Variants in NFIC observed in about 807,000 individuals in gnomAD.
The protein encoded by NFIC is nuclear factor I C.
A neutral mutation model predicts 54.4 loss-of-function variants in NFIC; 12 were observed. That is an observed-to-expected ratio of 0.22 (90% CI 0.14 to 0.36). The LOEUF (loss-of-function observed/expected upper bound fraction) is 0.36, where lower values mean the gene tolerates loss of function less well. Among genes scored for constraint, NFIC ranks in the 10% least tolerant of loss-of-function variants. The probability of loss-of-function intolerance (pLI) is 1.00; values close to 1 mark genes in which losing one functional copy is unlikely to be tolerated. For missense variants in NFIC, 575 were observed against 718.2 expected (o/e 0.80, Z 2.28); for synonymous variants, 322 against 319.2 (o/e 1.01, Z -0.09).
At chr19:3,432,109 C>T (rs1287780648) in intron 3 of NFIC, among the ~76,000 whole-genome samples, 1 of 152,172 alleles carries the variant, frequency 6.6e-6, no homozygotes, top group Non-Finnish European at 1.5e-5. Context: ...ATCCCTCCTA[C>T]AAGGGCGTCC....
chr19:3,366,584 G>T lies in NFIC; in HGVS notation c.-53G>T. On this transcript the variant is annotated 5_prime_UTR_variant, in exon 1 of 11. Coordinates refer to ENST00000443272, the MANE Select transcript of NFIC (RefSeq NM_001245002.2). ...GGGGGTGGTTTGGAAAAATGACTCA[G>T]TAAGTTCAGCGCGCCCGCTCCGGCC... is the stretch of plus-strand genomic sequence containing the variant. The T allele has an allele frequency of 2.5e-6, 3 of 1,209,894 alleles. No homozygotes were observed. Among genetic ancestry groups the T allele is most frequent in the Non-Finnish European group, 2.3e-6 (2 of 872,896 alleles). The allele number at this position is 1,209,894 out of a possible 1,614,324, so 74.9% of individuals were successfully genotyped here.
rs368925223 is a variant in NFIC at position 3,453,743 on chromosome 19, G to A, written c.1270-20G>A. 2.1e-4 allele frequency: 338 copies of A among 1,594,078 alleles called. No individual in the cohort carries two copies. The highest frequency in any genetic ancestry group is 1.1e-4 in the Non-Finnish European group (134 of 1,172,228). On this transcript the variant is annotated intron_variant, in intron 8 of 10. Coordinates refer to ENST00000443272, the MANE Select transcript of NFIC (RefSeq NM_001245002.2). The surrounding 1 kb of genome is among the most constrained non-coding windows in gnomAD (Gnocchi z 6.7). ...GAGGGGGAGCCCACCCCTTAACCAC[G>A]TGTCTCTCTGTTCCCCCAGTTAAAT...
chr19:3,414,829 T>A (rs2081826106), intron 2 of NFIC, among the ~76,000 whole-genome samples: 5 of 151,252 alleles, frequency 3.3e-5, no homozygotes, highest in African/African-American at 1.2e-4. Context: ...TGTTTTTTTG[T>A]TTTTTGTTTT....
intron 2 of NFIC, among the ~76,000 whole-genome samples, chr19:3,424,672 C>T (rs2082000757): frequency 6.6e-6 from 1 of 152,184 alleles, no homozygotes; most frequent in Non-Finnish European, 1.5e-5. Context: ...CGTGAGCCAC[C>T]GTGCCCGGCC....
At chr19:3,415,266 G>A (rs750967825) in intron 2 of NFIC, among the ~76,000 whole-genome samples, 13 of 151,304 alleles carry the variant, frequency 8.6e-5, no homozygotes, top group Non-Finnish European at 1.3e-4. Flanking sequence ...GTGCATGCCA[G>A]CACACCCAGC....
At chr19:3,427,148 G>T (rs985456770) in intron 3 of NFIC, among the ~76,000 whole-genome samples, 1 of 151,832 alleles carries the variant, frequency 6.6e-6, no homozygotes, top group South Asian at 2.1e-4. Flanking sequence ...GGATGGTCTC[G>T]ATCTCCTGAC....
At chr19:3,413,308 C>T (rs1250835754) in intron 2 of NFIC, among the ~76,000 whole-genome samples, 2 of 152,074 alleles carry the variant, frequency 1.3e-5, no homozygotes, top group Non-Finnish European at 2.9e-5. Context: ...CATCCCAAAC[C>T]GCCAATGAGA....
upstream of NFIC, among the ~76,000 whole-genome samples, chr19:3,361,805 G>C (rs2080815373): frequency 6.6e-6 from 1 of 151,916 alleles, no homozygotes; most frequent in Non-Finnish European, 1.5e-5. Context: ...TCCCCATTTT[G>C]GGTTCTGTGC....
intron 2 of NFIC, among the ~76,000 whole-genome samples, chr19:3,389,825 A>T (rs1340282830): frequency 1.3e-5 from 2 of 152,138 alleles, no homozygotes; most frequent in Non-Finnish European, 2.9e-5. Flanking sequence ...TCTACTAAAA[A>T]TACCAAAAAT....
rs149386974 is a variant in NFIC, at chr19:3,427,880, A to C, written c.634+2703A>C. Among the ~76,000 whole-genome samples the C allele has an allele frequency of 6.6e-3, 998 of 150,784 alleles. 8 individuals are homozygous for C. The highest frequency in any genetic ancestry group is 0.022 in the African/African-American group (897 of 41,062). ...AAGAAAGAAAAGAAAGAGAGAGAGA[A>C]AAAGAAGGGCCGGGTGCGGGGGCTT... is the stretch of plus-strand genomic sequence containing the variant. On this transcript the variant is annotated intron_variant, in intron 3 of 10. Coordinates refer to ENST00000443272, the MANE Select transcript of NFIC (RefSeq NM_001245002.2).
intron 6 of NFIC, among the ~76,000 whole-genome samples, chr19:3,446,753 C>T (rs2082378890): frequency 6.6e-6 from 1 of 152,198 alleles, no homozygotes; most frequent in Non-Finnish European, 1.5e-5. Flanking sequence ...TCTCTGGGGC[C>T]AGGCACTGTG....
At chr19:3,366,437 CAG>C, upstream of NFIC, 1 of 497,760 alleles carries the variant, frequency 2.0e-6, no homozygotes, top group Non-Finnish European at 3.5e-6. Flanking sequence ...GAGAGAGGGA[CAG>C]AGAGCGAGGC....
chr19:3,425,248 C>T (rs2082009873), intron 3 of NFIC, 71 bp downstream of exon 3: 1 of 1,497,212 alleles, frequency 6.7e-7, no homozygotes. Flanking sequence ...ATTTGGGAAT[C>T]ATTTGCTTGG....
intron 2 of NFIC, among the ~76,000 whole-genome samples, chr19:3,414,023 G>A (rs1003212951): frequency 2.6e-5 from 4 of 152,036 alleles, no homozygotes; most frequent in Admixed American, 6.6e-5. Context: ...TGTCTCTGTT[G>A]CCGCTGTGTC....
intron 2 of NFIC, among the ~76,000 whole-genome samples, chr19:3,412,566 G>T (rs2081781637): frequency 1.3e-5 from 2 of 152,084 alleles, no homozygotes; most frequent in Non-Finnish European, 2.9e-5. Flanking sequence ...CTGTTCATAC[G>T]TTTTAAAGAG....
At chr19:3,428,556 TCGGAG>T (rs1294179599) in intron 3 of NFIC, among the ~76,000 whole-genome samples, 6 of 151,948 alleles carry the variant, frequency 3.9e-5, no homozygotes, top group Non-Finnish European at 7.4e-5. Flanking sequence ...TGGAAGGTTC[TCGGAG>T]GTTCACAGGC....
rs1343754099 is a variant in NFIC, at chr19:3,463,040, C to G, written c.*271C>G. 4.5e-6 allele frequency: 6 copies of G among 1,347,038 alleles called. No individual in the cohort carries two copies. The highest frequency in any genetic ancestry group is 4.7e-6 in the Non-Finnish European group (5 of 1,052,878). 83.4% of individuals were successfully genotyped at this position (1,347,038 alleles called of 1,614,324 possible). On this transcript the variant is annotated 3_prime_UTR_variant, in exon 11 of 11. Transcript: ENST00000443272. Reference sequence around the variant, plus strand: ...CGCAACGTTTCCAACTCTCGGGACGCCAAGGCCGCAGGACTGGAGGGCCAG... The same window carrying G: ...CGCAACGTTTCCAACTCTCGGGACGGCAAGGCCGCAGGACTGGAGGGCCAG...
In NFIC at chr19:3,375,628, G is replaced by A. The variant is rs977209225; in HGVS notation, c.31-6084G>A. Among the ~76,000 whole-genome samples, 7 of 152,212 alleles carry A rather than the reference G, an allele frequency of 4.6e-5. No individual in the cohort carries two copies. The highest frequency in any genetic ancestry group is 7.2e-5 in the African/African-American group (3 of 41,462). ...CGCCGCAGCTGTTACGGTGACTCAC[G>A]CTTTGGGGGACATTGGGGTGGGGGA... On this transcript the variant is annotated intron_variant, in intron 1 of 10. Transcript: ENST00000443272. The surrounding 1 kb of genome is among the most constrained non-coding windows in gnomAD (Gnocchi z 4.6).
At chr19:3,432,288 G>A (rs1004631607) in intron 3 of NFIC, among the ~76,000 whole-genome samples, 7 of 152,142 alleles carry the variant, frequency 4.6e-5, no homozygotes, top group Non-Finnish European at 8.8e-5. Context: ...GGACACTGAG[G>A]GTTTTAACTG....
Sources: allele counts gnomAD v4.1 joint callset (sites outside exome capture counted in the v4.1 genomes callset), GRCh38; gene constraint gnomAD v4.1.1; non-coding constraint Gnocchi (gnomAD v3.1); transcripts MANE v1.5; gene names NCBI Gene and HGNC (gene_info 2026-07-23, HGNC 2026-07-21).